ANO4: variants seen among roughly 807,000 people sequenced by gnomAD.
ANO4 encodes anoctamin 4.
In ANO4, 69 loss-of-function variants were observed where a neutral mutation model predicts 141.9. The observed-to-expected ratio is 0.49, with a 90% CI of 0.40 to 0.59. The LOEUF (loss-of-function observed/expected upper bound fraction) is 0.59. Among genes scored for constraint, ANO4 ranks in the 20% least tolerant of loss-of-function variants. The pLI is 0.00. For synonymous variants in ANO4, 350 were observed against 394.3 expected (o/e 0.89, Z 1.33); for missense variants, 894 against 1,162.2 (o/e 0.77, Z 3.36).
chr12:100,762,795 A>G (rs1243725691), intron 3 of ANO4, among the ~76,000 whole-genome samples: 1 of 152,136 alleles, frequency 6.6e-6, no homozygotes, highest in East Asian at 1.9e-4. Flanking sequence ...TCGTCTGTGG[A>G]CATGCATTAA....
intron 2 of ANO4, among the ~76,000 whole-genome samples, chr12:100,734,073 G>A (rs992421588): frequency 1.3e-5 from 2 of 152,204 alleles, no homozygotes; most frequent in African/African-American, 4.8e-5. Flanking sequence ...GAAATGTCCA[G>A]GGAGATAAGA....
intron 2 of ANO4, among the ~76,000 whole-genome samples, chr12:100,736,387 T>C (rs1476558116): frequency 6.6e-6 from 1 of 152,158 alleles, no homozygotes; most frequent in East Asian, 1.9e-4. Context: ...TTTTCCCCCA[T>C]TTTATAAATG....
intron 3 of ANO4, 129 bp downstream of exon 3, chr12:100,922,459 G>T: frequency 3.3e-6 from 2 of 614,512 alleles, no homozygotes; most frequent in Non-Finnish European, 5.3e-6. Flanking sequence ...TCTTGAAAGA[G>T]ATACTGTGCA....
chr12:100,871,247 G>T (rs982652251), intron 1 of ANO4, among the ~76,000 whole-genome samples: 1 of 152,162 alleles, frequency 6.6e-6, no homozygotes, highest in Non-Finnish European at 1.5e-5. Context: ...ACATAATTCA[G>T]TGTGCCTATG....
intron 3 of ANO4, among the ~76,000 whole-genome samples, chr12:100,925,777 AT>A (rs1566017920): frequency 6.0e-5 from 9 of 150,268 alleles, no homozygotes; most frequent in Non-Finnish European, 1.0e-4. Flanking sequence ...ATATATATAT[AT>A]ATGTATGCAT....
chr12:100,887,266 G>A (rs1408432455), intron 1 of ANO4, among the ~76,000 whole-genome samples: 1 of 152,154 alleles, frequency 6.6e-6, no homozygotes, highest in Non-Finnish European at 1.5e-5. Flanking sequence ...CAGCTCACTT[G>A]GTGATCTCAT....
chr12:100,970,129 A>G (rs1457255230), intron 5 of ANO4, among the ~76,000 whole-genome samples: 1 of 152,176 alleles, frequency 6.6e-6, no homozygotes, highest in Non-Finnish European at 1.5e-5. Flanking sequence ...CCAGTCACCC[A>G]CCCAGATTGC....
chr12:100,724,058 T>C (rs960518550), intron 1 of ANO4, among the ~76,000 whole-genome samples: 1 of 152,198 alleles, frequency 6.6e-6, no homozygotes, highest in East Asian at 1.9e-4. Flanking sequence ...GCCTGTTTCA[T>C]GGATCTTATG....
At chr12:100,888,863 A>G (rs1470759328) in intron 1 of ANO4, among the ~76,000 whole-genome samples, 1 of 151,770 alleles carries the variant, frequency 6.6e-6, no homozygotes, top group Non-Finnish European at 1.5e-5. Context: ...TTCTTTTTAT[A>G]GGTAGTCTCT....
At chr12:100,745,112 T>C (rs1263998831) in intron 3 of ANO4, among the ~76,000 whole-genome samples, 1 of 152,198 alleles carries the variant, frequency 6.6e-6, no homozygotes, top group Non-Finnish European at 1.5e-5. Context: ...AGGGCCTTCC[T>C]AACTAATTTT....
intron 7 of ANO4, among the ~76,000 whole-genome samples, chr12:100,979,528 A>G (rs2044354410): frequency 6.6e-6 from 1 of 152,118 alleles, no homozygotes; most frequent in African/African-American, 2.4e-5. Flanking sequence ...GGCTGGATGA[A>G]TCAGAGGCAA....
At chr12:100,894,387 G>A (rs986170738) in intron 1 of ANO4, among the ~76,000 whole-genome samples, 1 of 152,036 alleles carries the variant, frequency 6.6e-6, no homozygotes, top group Non-Finnish European at 1.5e-5. Flanking sequence ...GTTGGGGGGA[G>A]CGGGGGCGGT....
chr12:100,887,929 C>T (rs925770249), intron 1 of ANO4, among the ~76,000 whole-genome samples: 7 of 152,138 alleles, frequency 4.6e-5, no homozygotes, highest in Non-Finnish European at 1.0e-4. Context: ...GTCCACAGAA[C>T]ACAAGGAAAA....
rs117425206 is a variant in ANO4 at position 100,986,354 on chromosome 12, A to G, written c.603-1185A>G. Among the ~76,000 whole-genome samples the G allele has an allele frequency of 6.4e-3, 972 of 152,246 alleles. 5 individuals are homozygous for G. Among genetic ancestry groups the G allele is most frequent in the Non-Finnish European group, 0.011 (727 of 68,014 alleles). On this transcript the variant is annotated intron_variant, in intron 7 of 27. Coordinates refer to ENST00000392977, the MANE Select transcript of ANO4 (RefSeq NM_001286615.2). ...AAGATGGATGTTCCATCTCAAGCAG[A>G]CAGCAAATTCACCCTGCCTCCACTT...
chr12:100,866,484 C>G (rs1479111820), intron 1 of ANO4, among the ~76,000 whole-genome samples: 3 of 152,118 alleles, frequency 2.0e-5, no homozygotes, highest in Non-Finnish European at 4.4e-5. Flanking sequence ...TTTTGGATAG[C>G]TTCAGTGTTA....
At chr12:100,956,744 G>T (rs1014714410) in intron 5 of ANO4, among the ~76,000 whole-genome samples, 3 of 152,176 alleles carry the variant, frequency 2.0e-5, no homozygotes, top group Non-Finnish European at 4.4e-5. Flanking sequence ...TGTTACAGGC[G>T]TTCGCTGTTC....
At chr12:100,880,708 T>C (rs1174699228) in intron 1 of ANO4, among the ~76,000 whole-genome samples, 1 of 152,172 alleles carries the variant, frequency 6.6e-6, no homozygotes, top group Non-Finnish European at 1.5e-5. Flanking sequence ...GGAGGGCAAG[T>C]TAAGGTCACT....
intron 4 of ANO4, among the ~76,000 whole-genome samples, chr12:100,941,047 T>G (rs909211841): frequency 1.3e-5 from 2 of 152,182 alleles, no homozygotes; most frequent in African/African-American, 2.4e-5. Context: ...AGTGACAAAC[T>G]AATTGTAGAT....
At chr12:100,875,662 G>A (rs973201500) in intron 1 of ANO4, among the ~76,000 whole-genome samples, 3 of 152,188 alleles carry the variant, frequency 2.0e-5, no homozygotes, top group South Asian at 2.1e-4. Context: ...GACAGTAGAC[G>A]TGGTAAAAAG....
Sources: allele counts gnomAD v4.1 joint callset (sites outside exome capture counted in the v4.1 genomes callset), GRCh38; gene constraint gnomAD v4.1.1; transcripts MANE v1.5; gene names NCBI Gene and HGNC (gene_info 2026-07-23, HGNC 2026-07-21).